The following AKAP19 variants were observed in gnomAD, a reference collection of about 807,000 sequenced individuals.
The protein encoded by AKAP19 is small A-kinase anchoring protein.
At chr2:189,997,321 G>A in the AKAP19 span, among the ~76,000 whole-genome samples, 4 of 152,164 alleles carry the variant, frequency 2.6e-5, no homozygotes, top group Non-Finnish European at 5.9e-5. Flanking sequence ...GGTTTCTCAG[G>A]TGATGGATGG....
the AKAP19 span, among the ~76,000 whole-genome samples, chr2:190,155,011 G>T: frequency 6.6e-6 from 1 of 152,224 alleles, no homozygotes; most frequent in East Asian, 1.9e-4. Context: ...GGAAGAGAAA[G>T]CCAGCATTTG....
chr2:190,055,335 G>C, the AKAP19 span, among the ~76,000 whole-genome samples: 1 of 125,812 alleles, frequency 7.9e-6, no homozygotes, highest in Non-Finnish European at 1.7e-5. Flanking sequence ...GTTGTGGGGT[G>C]GGGGGAGGGG....
the AKAP19 span, among the ~76,000 whole-genome samples, chr2:190,187,263 G>T: frequency 7.2e-3 from 1,094 of 152,130 alleles, 7 homozygotes; most frequent in South Asian, 0.019. Context: ...GAGATATAAG[G>T]CATCTTAGAA....
chr2:190,032,373 G>T, the AKAP19 span, among the ~76,000 whole-genome samples: 1 of 152,058 alleles, frequency 6.6e-6, no homozygotes, highest in Non-Finnish European at 1.5e-5. Context: ...ATTTATCCTG[G>T]GTCAGTAGTG....
the AKAP19 span, among the ~76,000 whole-genome samples, chr2:189,888,854 G>A: frequency 1.3e-5 from 2 of 152,024 alleles, no homozygotes; most frequent in Non-Finnish European, 2.9e-5. Context: ...GAGATGATGG[G>A]GTTTTCTAAA....
chr2:189,971,318 C>CT, the AKAP19 span, among the ~76,000 whole-genome samples: 1 of 152,110 alleles, frequency 6.6e-6, no homozygotes. Context: ...TGAACTCATC[C>CT]TTTTTTATGG....
At chr2:190,042,399 C>T in the AKAP19 span, among the ~76,000 whole-genome samples, 1 of 151,250 alleles carries the variant, frequency 6.6e-6, no homozygotes. Context: ...TTATTTGGAT[C>T]TTCTCTCTTC....
At chr2:190,161,634 G>C in the AKAP19 span, among the ~76,000 whole-genome samples, 1 of 152,150 alleles carries the variant, frequency 6.6e-6, no homozygotes, top group African/African-American at 2.4e-5. Context: ...AAGACAAAAT[G>C]CAGTAGCTCA....
chr2:190,134,383 A>C, the AKAP19 span, among the ~76,000 whole-genome samples: 1 of 152,214 alleles, frequency 6.6e-6, no homozygotes, highest in Non-Finnish European at 1.5e-5. Flanking sequence ...AAGGATTAAC[A>C]TAGAACTGGT....
the AKAP19 span, among the ~76,000 whole-genome samples, chr2:190,004,562 A>G: frequency 3.2e-3 from 483 of 150,134 alleles, 3 homozygotes; most frequent in South Asian, 0.016. Flanking sequence ...GTCAACAAAT[A>G]TTTTTCTTAT....
chr2:190,022,937 A>G, the AKAP19 span, among the ~76,000 whole-genome samples: 36 of 152,258 alleles, frequency 2.4e-4, no homozygotes, highest in African/African-American at 8.2e-4. Flanking sequence ...ACCTCAGAGA[A>G]GAGACCTTTA....
the AKAP19 span, among the ~76,000 whole-genome samples, chr2:190,119,463 AGGGCACTATGAGTTCTGCACACGT>A: frequency 2.0e-5 from 3 of 152,334 alleles, no homozygotes; most frequent in East Asian, 5.8e-4. Flanking sequence ...ACGCAAATGC[AGGGCACTATGAGTTCTGCACACGT>A]GGGGATACGT....
At chr2:190,188,210 C>T in the AKAP19 span, among the ~76,000 whole-genome samples, 5 of 152,060 alleles carry the variant, frequency 3.3e-5, no homozygotes, top group South Asian at 2.1e-4. Flanking sequence ...ATTCTATGGG[C>T]GCAGGTTCTA....
the AKAP19 span, among the ~76,000 whole-genome samples, chr2:190,090,259 C>T: frequency 2.0e-5 from 3 of 152,186 alleles, no homozygotes; most frequent in African/African-American, 4.8e-5. Flanking sequence ...CTTCTATACA[C>T]TCCTTTCACA....
chr2:189,891,648 T>C, the AKAP19 span, among the ~76,000 whole-genome samples: 1 of 152,182 alleles, frequency 6.6e-6, no homozygotes, highest in Non-Finnish European at 1.5e-5. Flanking sequence ...GACCTCTCTC[T>C]GTGGCTGCCC....
At chr2:190,200,154 T>C in the AKAP19 span, 14 of 1,611,914 alleles carry the variant, frequency 8.7e-6, no homozygotes, top group East Asian at 2.9e-4. Context: ...CTTGAGGCTG[T>C]AGGATGACAA....
At chr2:189,961,697 G>T in the AKAP19 span, among the ~76,000 whole-genome samples, 23,242 of 151,972 alleles carry the variant, frequency 0.15, 1,862 homozygotes, top group Middle Eastern at 0.26. Flanking sequence ...TGGATCATGA[G>T]GTAAGGAGTT....
chr2:190,064,803 C>T, the AKAP19 span, among the ~76,000 whole-genome samples: 1 of 152,138 alleles, frequency 6.6e-6, no homozygotes, highest in African/African-American at 2.4e-5. Flanking sequence ...TTTTCTAAGG[C>T]AGCCAGGTTA....
the AKAP19 span, among the ~76,000 whole-genome samples, chr2:190,110,209 A>G: frequency 6.6e-6 from 1 of 152,342 alleles, no homozygotes; most frequent in South Asian, 2.1e-4. Context: ...AGTGTCACAT[A>G]GTGAGGGTAT....
Sources: gnomAD v4.1 joint callset for allele counts (sites outside exome capture counted in the v4.1 genomes callset) on GRCh38, gnomAD v4.1.1 for gene constraint, MANE v1.5 for transcripts, NCBI Gene and HGNC (gene_info 2026-07-23, HGNC 2026-07-21) for gene names.